AKAP6: variants seen among roughly 807,000 people sequenced by gnomAD.
AKAP6 encodes A-kinase anchor protein 6.
In AKAP6, 58 loss-of-function variants were observed where a neutral mutation model predicts 188.5. The ratio of observed to expected loss-of-function variants is 0.31; its 90% CI spans 0.25 to 0.38. The LOEUF is 0.38. AKAP6 is among the 10% of genes least tolerant of loss of function. The probability of loss-of-function intolerance (pLI) is 1.00; values close to 1 mark genes in which losing one functional copy is unlikely to be tolerated. For missense variants in AKAP6, 2,710 were observed against 2,740.0 expected (o/e 0.99, Z 0.24); for synonymous variants, 989 against 998.6 (o/e 0.99, Z 0.18).
At chr14:32,557,871 T>G (rs1352171416) in intron 4 of AKAP6, among the ~76,000 whole-genome samples, 1 of 152,218 alleles carries the variant, frequency 6.6e-6, no homozygotes, top group Non-Finnish European at 1.5e-5. Context: ...CCATTTTTTT[T>G]TAACTTTCCT....
chr14:32,803,120 A>AT (rs1444461182), intron 12 of AKAP6, among the ~76,000 whole-genome samples: 4 of 151,856 alleles, frequency 2.6e-5, no homozygotes, highest in Non-Finnish European at 5.9e-5. Context: ...GTCTTAAAAG[A>AT]TTTTTTAAAA....
intron 9 of AKAP6, among the ~76,000 whole-genome samples, chr14:32,727,168 C>G (rs143938538): frequency 1.3e-5 from 2 of 151,916 alleles, no homozygotes; most frequent in African/African-American, 4.8e-5. Flanking sequence ...TAAATTTTAC[C>G]TATAGGAGAC....
chr14:32,725,829 C>T (rs912390107), intron 9 of AKAP6, among the ~76,000 whole-genome samples: 1 of 152,140 alleles, frequency 6.6e-6, no homozygotes, highest in Non-Finnish European at 1.5e-5. Flanking sequence ...ATAATATGCT[C>T]TTATCCGTAT....
intron 5 of AKAP6, among the ~76,000 whole-genome samples, chr14:32,582,752 C>G (rs1432921092): frequency 6.6e-6 from 1 of 152,188 alleles, no homozygotes; most frequent in African/African-American, 2.4e-5. Context: ...TCTTCCATCA[C>G]TGATACCCTT....
At chr14:32,814,493 A>G (rs751484486) in intron 12 of AKAP6, among the ~76,000 whole-genome samples, 8 of 152,192 alleles carry the variant, frequency 5.3e-5, no homozygotes, top group Non-Finnish European at 8.8e-5. Flanking sequence ...TATAAATGGA[A>G]TCATACAATA....
intron 7 of AKAP6, among the ~76,000 whole-genome samples, chr14:32,650,867 C>G (rs1017460219): frequency 6.6e-6 from 1 of 152,128 alleles, no homozygotes; most frequent in Admixed American, 6.5e-5. Context: ...GTTCTGATAA[C>G]TCTATTTACT....
intron 11 of AKAP6, among the ~76,000 whole-genome samples, chr14:32,743,909 A>G (rs2139873816): frequency 6.6e-6 from 1 of 152,334 alleles, no homozygotes; most frequent in East Asian, 1.9e-4. Context: ...TTGCTCACTA[A>G]CGTCCTTTTC....
rs1302577440 is a variant in AKAP6, at chr14:32,837,493, C to G, written c.*7688C>G. 1.3e-5 allele frequency: 2 copies of G among 152,172 alleles called. No homozygotes were observed. Among genetic ancestry groups the G allele is most frequent in the Non-Finnish European group, 2.9e-5 (2 of 68,030 alleles). The allele number at this position is 152,172 out of a possible 1,614,324, so 9.4% of individuals were successfully genotyped here. Reference sequence around the variant, plus strand: ...TAACCACTGGTTTATAAAAAATACTCTAAGGTTTATAGAATTAGTTTGGTT... The same window carrying G: ...TAACCACTGGTTTATAAAAAATACTGTAAGGTTTATAGAATTAGTTTGGTT... On this transcript the variant is annotated 3_prime_UTR_variant, in exon 14 of 14. Coordinates refer to ENST00000280979, the MANE Select transcript of AKAP6 (RefSeq NM_004274.5).
chr14:32,474,629 A>G (rs1015943869), intron 2 of AKAP6: 3 of 152,258 alleles, frequency 2.0e-5, no homozygotes, highest in African/African-American at 7.2e-5. Context: ...GTTCACACAC[A>G]TTAAAGAAAT....
chr14:32,575,489 G>A (rs1439364842), intron 4 of AKAP6, among the ~76,000 whole-genome samples: 3 of 152,116 alleles, frequency 2.0e-5, no homozygotes, highest in African/African-American at 7.2e-5. Flanking sequence ...TAGGGTTGGA[G>A]TCTAGGACTG....
chr14:32,787,531 A>G (rs965267749), intron 12 of AKAP6, among the ~76,000 whole-genome samples: 3 of 152,204 alleles, frequency 2.0e-5, no homozygotes, highest in Non-Finnish European at 4.4e-5. Context: ...CCCCAAAAAA[A>G]TTAAAAGCAA....
At chr14:32,358,417 A>G (rs1445858523) in intron 1 of AKAP6, among the ~76,000 whole-genome samples, 2 of 152,238 alleles carry the variant, frequency 1.3e-5, no homozygotes, top group Non-Finnish European at 2.9e-5. Flanking sequence ...AAATGAAATG[A>G]ACTCTTGCTT....
intron 4 of AKAP6, among the ~76,000 whole-genome samples, chr14:32,560,401 G>T (rs528574324): frequency 6.6e-6 from 1 of 151,624 alleles, no homozygotes; most frequent in Non-Finnish European, 1.5e-5. Context: ...GCCTCAGTTT[G>T]GTTTCTGTAG....
At chr14:32,607,827 G>A (rs1886184549) in intron 7 of AKAP6, among the ~76,000 whole-genome samples, 2 of 152,094 alleles carry the variant, frequency 1.3e-5, no homozygotes, top group Non-Finnish European at 2.9e-5. Flanking sequence ...TTCCTTTCCT[G>A]CTGAACTATA....
intron 5 of AKAP6, among the ~76,000 whole-genome samples, chr14:32,596,531 G>A (rs986648214): frequency 2.0e-5 from 3 of 151,924 alleles, no homozygotes; most frequent in East Asian, 1.9e-4. Context: ...ATTCATCTAC[G>A]TGCTGCTTTA....
Position 32,822,833 on chromosome 14 carries a change from T to C in AKAP6, c.5020T>C (p.Leu1674=), listed in dbSNP as rs541351235. 10 of 1,614,000 alleles carry C rather than the reference T, an allele frequency of 6.2e-6. No homozygotes were observed. The highest frequency in any genetic ancestry group is 5.0e-5 in the Admixed American group (3 of 59,950). The change falls in exon 13 of 14, where the codon TTG becomes CTG. Residue 1674 remains leucine, a synonymous_variant. Coordinates refer to ENST00000280979, the MANE Select transcript of AKAP6 (RefSeq NM_004274.5). ...QKMSFTGQMS[L]DIASSINEDS... Reference sequence around the variant, plus strand: ...GATGTCCTTTACTGGCCAGATGTCATTGGACATAGCATCTTCTATCAATGA... The same window carrying C: ...GATGTCCTTTACTGGCCAGATGTCACTGGACATAGCATCTTCTATCAATGA...
intron 4 of AKAP6, 138 bp from the exon 5 acceptor site, chr14:32,576,982 T>A: frequency 1.1e-6 from 1 of 952,314 alleles, no homozygotes; most frequent in African/African-American, 1.7e-5. Flanking sequence ...ACAGCAAAGA[T>A]GAAACTAGGA....
intron 1 of AKAP6, among the ~76,000 whole-genome samples, chr14:32,380,188 C>A (rs1888304266): frequency 6.6e-6 from 1 of 152,192 alleles, no homozygotes; most frequent in African/African-American, 2.4e-5. Flanking sequence ...ATTGAAAATG[C>A]ACTTGGCAAA....
rs143843625 is a variant in AKAP6 at position 32,351,034 on chromosome 14, C to T, written c.-35+21626C>T. ...GCTTATTTTTTTTGTCTACTAAACC[C>T]GGAATCTCGAACTTGGTTTTCAGAC... On this transcript the variant is annotated intron_variant, in intron 1 of 13. Coordinates refer to ENST00000280979, the MANE Select transcript of AKAP6 (RefSeq NM_004274.5). 4.4e-3 allele frequency among the ~76,000 whole-genome samples: 663 copies of T among 152,058 alleles called. 4 individuals are homozygous for T. Among genetic ancestry groups the T allele is most frequent in the Middle Eastern group, 0.02 (6 of 294 alleles).
Sources: gnomAD v4.1 joint callset for allele counts (sites outside exome capture counted in the v4.1 genomes callset) on GRCh38, gnomAD v4.1.1 for gene constraint, MANE v1.5 for transcripts, NCBI Gene and HGNC (gene_info 2026-07-23, HGNC 2026-07-21) for gene names.